Variants in USP32 observed in about 807,000 individuals in gnomAD.
USP32 encodes ubiquitin specific peptidase 32, also known as ubiquitin carboxyl-terminal hydrolase 32.
USP32 carries 59 observed loss-of-function variants against 204.8 expected under a neutral mutation model. The observed-to-expected ratio is 0.29, with a 90% confidence interval of 0.23 to 0.36. USP32 has a LOEUF of 0.36. USP32 is among the 10% of genes least tolerant of loss of function. The pLI is 1.00. For synonymous variants in USP32, 517 were observed against 678.4 expected (o/e 0.76, Z 3.70); for missense variants, 1,160 against 1,946.4 (o/e 0.60, Z 7.60).
chr17:60,249,088 TGGCCTTCTTG>T (rs1193640886), intron 11 of USP32: 1 of 152,258 alleles, frequency 6.6e-6, no homozygotes, highest in Admixed American at 6.5e-5. Flanking sequence ...TTTTTAAGCT[TGGCCTTCTTG>T]GGGTGAGCCT....
intron 12 of USP32, among the ~76,000 whole-genome samples, chr17:60,228,683 C>A (rs1361730848): frequency 6.6e-6 from 1 of 151,662 alleles, no homozygotes; most frequent in African/African-American, 2.4e-5. Flanking sequence ...AATAGTGGGG[C>A]ATGGTGGTGT....
intron 2 of USP32, among the ~76,000 whole-genome samples, chr17:60,318,123 TG>T (rs1173697651): frequency 7.9e-5 from 12 of 152,346 alleles, no homozygotes; most frequent in African/African-American, 2.9e-4. Context: ...ATGACAAAGT[TG>T]GTAGGGATGG....
intron 6 of USP32, among the ~76,000 whole-genome samples, 189 bp from the exon 7 acceptor site, chr17:60,269,746 C>G (rs2086681806): frequency 6.6e-6 from 1 of 152,096 alleles, no homozygotes; most frequent in African/African-American, 2.4e-5. Context: ...AACTTGTGAT[C>G]ATGGCAGAAA....
At chr17:60,265,372 T>C (rs1477635384) in intron 9 of USP32, 40 bp downstream of exon 9, 5 of 1,395,416 alleles carry the variant, frequency 3.6e-6, no homozygotes, top group Non-Finnish European at 5.0e-6. Flanking sequence ...GAGTACATGA[T>C]ATTTTTAGAA....
At chr17:60,332,890 C>T (rs1171097745) in intron 2 of USP32, among the ~76,000 whole-genome samples, 2 of 152,100 alleles carry the variant, frequency 1.3e-5, no homozygotes, top group Non-Finnish European at 2.9e-5. Context: ...CTTTTTATCA[C>T]TGAATCATCT....
At chr17:60,265,330 C>T (rs1330006520) in intron 9 of USP32, 82 bp downstream of exon 9, 1 of 936,522 alleles carries the variant, frequency 1.1e-6, no homozygotes, top group Non-Finnish European at 1.6e-6. Flanking sequence ...CAAAGAGATT[C>T]AAGCATGTAT....
chr17:60,301,306 C>G (rs185463733), intron 3 of USP32: 2 of 187,204 alleles, frequency 1.1e-5, no homozygotes, highest in Non-Finnish European at 1.1e-5. Flanking sequence ...CTACTTTATA[C>G]TCCCATCAGC....
chr17:60,260,831 A>G (rs2086434480), intron 9 of USP32, among the ~76,000 whole-genome samples: 1 of 152,158 alleles, frequency 6.6e-6, no homozygotes, highest in Admixed American at 6.5e-5. Context: ...ACTTGATAGT[A>G]GTCAGAATAG....
Position 60,208,360 on chromosome 17 carries a change from T to C in USP32, c.2774-150A>G, listed in dbSNP as rs1348559618. 11 of 768,362 alleles carry C rather than the reference T, an allele frequency of 1.4e-5. No individual in the cohort carries two copies. In the African/African-American group the frequency reaches 1.8e-4, roughly 13 times the overall value. 47.6% of individuals were successfully genotyped at this position (768,362 alleles called of 1,614,324 possible). On this transcript the variant is annotated intron_variant, in intron 23 of 33. Transcript: ENST00000300896. ...TATGTGTAAACACTAAAACAGATGG[T>C]ACTTAGGGATAATATTAAGTGAAAT...
At chr17:60,377,385 T>C (rs1416019660) in intron 1 of USP32, among the ~76,000 whole-genome samples, 1 of 152,224 alleles carries the variant, frequency 6.6e-6, no homozygotes, top group East Asian at 1.9e-4. Flanking sequence ...TTTTAAAACA[T>C]ATAAATGTCA....
At chr17:60,421,839 C>T in intron 1 of USP32, 1 of 985,262 alleles carries the variant, frequency 1.0e-6, no homozygotes. Context: ...GGCTCCCCGC[C>T]TGGTGGCTGC....
chr17:60,301,673 T>C lies in USP32; in HGVS notation c.218A>G (p.Lys73Arg), dbSNP rs922644234. Residue 73 changes from lysine to arginine, a missense_variant, in exon 3 of 34, where the codon AAA becomes AGA. Around this residue, in one of 8 missense-constraint regions of USP32, gnomAD observed 536 missense variants for 680.9 expected, o/e 0.79. Transcript: ENST00000300896. ...VIYCSFGGTS[K>R]GLHFNNLIVG... ...TATTAAATTATTGAAGTGCAGCCCT[T>C]TGGATGTTCCACCAAAAGAACAGTA... 4 of 1,601,688 alleles carry C rather than the reference T, an allele frequency of 2.5e-6. No homozygotes were observed. The African/African-American group carries it at 5.4e-5, about 22-fold the overall frequency.
intron 2 of USP32, among the ~76,000 whole-genome samples, chr17:60,330,492 TTCTTTCTC>T (rs1024564540): frequency 1.5e-4 from 22 of 151,052 alleles, no homozygotes; most frequent in African/African-American, 5.4e-4. Flanking sequence ...CCTTTCCTTT[TTCTTTCTC>T]TCTTTCTCTC....
In USP32 at chr17:60,373,122, G is replaced by A. The variant is rs192407347; in HGVS notation, c.58+18760C>T. Among the ~76,000 whole-genome samples, 199 of 152,282 alleles carry A rather than the reference G, an allele frequency of 1.3e-3. 1 individual carries two copies. Among genetic ancestry groups the A allele is most frequent in the African/African-American group, 4.5e-3 (186 of 41,544 alleles). ...GGGAGACAATCTCTTGAGCCCAGGA[G>A]CTCGAGGCTACAGTAAGCCATGATC... On this transcript the variant is annotated intron_variant, in intron 1 of 33. Transcript: ENST00000300896.
chr17:60,183,664 A>G (rs1327058872), intron 30 of USP32, among the ~76,000 whole-genome samples: 2 of 152,200 alleles, frequency 1.3e-5, no homozygotes, highest in Admixed American at 1.3e-4. Flanking sequence ...CACACACTCA[A>G]CTCAGCAGTG....
chr17:60,367,141 A>C (rs2089334048), intron 1 of USP32, among the ~76,000 whole-genome samples: 1 of 152,098 alleles, frequency 6.6e-6, no homozygotes, highest in Admixed American at 6.5e-5. Flanking sequence ...CCCACTTTTG[A>C]AAAGAATCTC....
chr17:60,359,928 C>G (rs935862061), intron 1 of USP32, among the ~76,000 whole-genome samples: 2 of 149,152 alleles, frequency 1.3e-5, no homozygotes, highest in Middle Eastern at 3.2e-3. Context: ...AGTACAGTGG[C>G]GCAGTCTCGG....
At chr17:60,287,851 C>T (rs1006773268) in intron 5 of USP32, among the ~76,000 whole-genome samples, 2 of 151,804 alleles carry the variant, frequency 1.3e-5, no homozygotes, top group Non-Finnish European at 2.9e-5. Context: ...TGGTGGCTCA[C>T]GCCTATAATT....
At position 60,198,331 on chromosome 17, in the gene USP32, C is replaced by T. The variant is rs142372395; in HGVS notation, c.3363G>A (p.Ala1121=). 4,132 of 1,614,102 alleles carry T rather than the reference C, an allele frequency of 2.6e-3. 10 individuals carry two copies. The highest frequency in any genetic ancestry group is 3.1e-3 in the Non-Finnish European group (3,711 of 1,180,006). Residue 1121 remains alanine (A), a synonymous_variant, in exon 27 of 34, where the codon GCG becomes GCA. Transcript: ENST00000300896. Reference sequence around the variant, plus strand: ...CTAACCGGGATACTTGAATCCAAACCGCATCATATAGGTCTTTCTTCCGGG... The same window carrying T: ...CTAACCGGGATACTTGAATCCAAACTGCATCATATAGGTCTTTCTTCCGGG... The part of the protein sequence containing the change: ...VHTRKKDLYD[A]VWIQVSRLAS...
Sources: gnomAD v4.1 joint callset for allele counts (sites outside exome capture counted in the v4.1 genomes callset) on GRCh38, gnomAD v4.1.1 for gene constraint, gnomAD v4.1.1 regional missense constraint, MANE v1.5 for transcripts, NCBI Gene and HGNC (gene_info 2026-07-23, HGNC 2026-07-21) for gene names.